DGKA: variants seen among roughly 807,000 people sequenced by gnomAD.
The protein encoded by DGKA is diacylglycerol kinase alpha, also known as 80 kDa diacylglycerol kinase.
Under a neutral mutation model 105.0 loss-of-function variants are expected in DGKA, and 35 were observed. The ratio of observed to expected loss-of-function variants is 0.33; its 90% CI spans 0.25 to 0.44. DGKA has a LOEUF of 0.44. Ranked by LOEUF, DGKA falls within the 20% of genes least tolerant of loss-of-function variation. The probability of loss-of-function intolerance (pLI) is 1.00; values close to 1 mark genes in which losing one functional copy is unlikely to be tolerated. For missense variants in DGKA, 665 were observed against 915.0 expected (o/e 0.73, Z 3.53); for synonymous variants, 296 against 332.0 (o/e 0.89, Z 1.18).
At chr12:55,942,493 A>G in intron 17 of DGKA, 1 of 491,762 alleles carries the variant, frequency 2.0e-6, no homozygotes, top group Non-Finnish European at 3.7e-6. Flanking sequence ...TCCTGTAAAT[A>G]TTTTTATGTT....
At chr12:55,945,869 A>C (rs763399583) in intron 17 of DGKA, among the ~76,000 whole-genome samples, 56 of 149,548 alleles carry the variant, frequency 3.7e-4, no homozygotes, top group Non-Finnish European at 5.6e-4. Flanking sequence ...GGCTCATTGC[A>C]ACCTCTGCCT....
chr12:55,947,672 C>T (rs1592729006), intron 17 of DGKA, among the ~76,000 whole-genome samples: 1 of 152,216 alleles, frequency 6.6e-6, no homozygotes. Flanking sequence ...TTTAATCTTA[C>T]AAACCATGGT....
intron 17 of DGKA, among the ~76,000 whole-genome samples, chr12:55,944,071 A>G (rs902792387): frequency 6.6e-6 from 1 of 152,178 alleles, no homozygotes; most frequent in Non-Finnish European, 1.5e-5. Flanking sequence ...CAAGGTCAGA[A>G]GATCGCTTTA....
At chr12:55,935,152 T>C (rs1276801147) in intron 1 of DGKA, among the ~76,000 whole-genome samples, 3 of 152,242 alleles carry the variant, frequency 2.0e-5, no homozygotes, top group Non-Finnish European at 4.4e-5. Flanking sequence ...ATTTCCTATG[T>C]CTGATGATTT....
intron 1 of DGKA, chr12:55,933,675 G>A (rs944188879): frequency 2.6e-4 from 40 of 152,078 alleles, no homozygotes; most frequent in African/African-American, 8.9e-4. Context: ...TAGCCACCTC[G>A]TCATCCTCCC....
At position 55,942,502 on chromosome 12, in the gene DGKA, T is replaced by C. The variant is rs1886224953; in HGVS notation, c.1426+239T>C. The stretch of plus-strand genomic sequence containing the variant: ...CCCCTTTCCTGTAAATATTTTTATG[T>C]TTCTCCCAACCAACTCTTATGGCTC... On this transcript the variant is annotated intron_variant, in intron 17 of 23. Coordinates refer to ENST00000331886, the MANE Select transcript of DGKA (RefSeq NM_001345.5). The C allele has an allele frequency of 8.4e-6, 4 of 473,772 alleles. No individual in the cohort carries two copies. In the South Asian group the frequency reaches 8.9e-5, roughly 10 times the overall value. 29.3% of individuals were successfully genotyped at this position (473,772 alleles called of 1,614,324 possible).
chr12:55,952,996 G>A lies in DGKA; in HGVS notation c.1943-44G>A. The A allele has an allele frequency of 1.2e-6, 2 of 1,614,120 alleles. No individual in the cohort carries two copies. The highest frequency in any genetic ancestry group is 1.7e-6 in the Non-Finnish European group (2 of 1,180,020). On this transcript the variant is annotated intron_variant, in intron 21 of 23. Coordinates refer to ENST00000331886, the MANE Select transcript of DGKA (RefSeq NM_001345.5). This position sits in a 1 kb window ranked among gnomAD's most constrained non-coding sequence, Gnocchi z 5.1. The stretch of plus-strand genomic sequence containing the variant: ...AAGGGAAAGTGTGACTCCCTATGGG[G>A]ATACCCTGTTTATGTAAAACTTTAC...
At chr12:55,943,279 T>C (rs1017859863) in intron 17 of DGKA, 2 of 144,844 alleles carry the variant, frequency 1.4e-5, no homozygotes, top group Non-Finnish European at 3.0e-5. Context: ...TTTCCCTTTC[T>C]TTTTTTTTTT....
At chr12:55,944,869 A>G (rs1886701712) in intron 17 of DGKA, among the ~76,000 whole-genome samples, 1 of 152,060 alleles carries the variant, frequency 6.6e-6, no homozygotes, top group South Asian at 2.1e-4. Flanking sequence ...GCACAATCTC[A>G]GCTCACTGCA....
In DGKA at chr12:55,940,756, G is replaced by A; in HGVS notation, c.1017+34G>A. On this transcript the variant is annotated intron_variant, in intron 12 of 23. Coordinates refer to ENST00000331886, the MANE Select transcript of DGKA (RefSeq NM_001345.5). The surrounding 1 kb of genome is among the most constrained non-coding windows in gnomAD (Gnocchi z 4.3). ...CTCGGCAGCAGCGGGGAGGGGACAG[G>A]AGTGCCTCCCCGATTTCCCACACGC... 1 of 1,606,044 alleles carries A rather than the reference G, an allele frequency of 6.2e-7. No homozygotes were observed.
chr12:55,937,672 G>T (rs1324332462), intron 4 of DGKA, 129 bp downstream of exon 4: 1 of 1,271,038 alleles, frequency 7.9e-7, no homozygotes, highest in South Asian at 1.4e-5. Context: ...GAATAGTCAG[G>T]CTGGTCTAGG....
Position 55,940,364 on chromosome 12 carries a change from C to G in DGKA, c.849C>G (p.Asp283Glu). The change falls in exon 11 of 24, where the codon GAC (aspartate) becomes GAG (glutamate). Residue 283 changes from aspartate to glutamate, a missense_variant. Around this residue, in one of 3 missense-constraint regions of DGKA, gnomAD observed 504 missense variants for 681.2 expected, o/e 0.74. Coordinates refer to ENST00000331886, the MANE Select transcript of DGKA (RefSeq NM_001345.5). The surrounding 1 kb of genome is among the most constrained non-coding windows in gnomAD (Gnocchi z 4.3). Reference protein sequence around the residue: ...VRGGCESGRCDRCQKKIRIYH... With the variant: ...VRGGCESGRCERCQKKIRIYH... Reference sequence around the variant, plus strand: ...GAGGCTGTGAGTCCGGGCGCTGCGACCGCTGTCAGAAAAAGATCCGGATCT... The same window carrying G: ...GAGGCTGTGAGTCCGGGCGCTGCGAGCGCTGTCAGAAAAAGATCCGGATCT... 6.2e-7 allele frequency: 1 copy of G among 1,614,204 alleles called. No homozygotes were observed. Among genetic ancestry groups the G allele is most frequent in the Non-Finnish European group, 8.5e-7 (1 of 1,180,028 alleles).
At chr12:55,927,583 C>A, upstream of DGKA, 1 of 1,110,642 alleles carries the variant, frequency 9.0e-7, no homozygotes, top group Non-Finnish European at 1.3e-6. Context: ...ACAAGTGTTT[C>A]TAGGGACGGT....
chr12:55,931,769 G>A (rs1310796309), intron 1 of DGKA: 3 of 152,396 alleles, frequency 2.0e-5, no homozygotes, highest in African/African-American at 7.2e-5. Flanking sequence ...GGCTGTGAGT[G>A]ATTAGAAAGA....
Position 55,951,834 on chromosome 12 carries a change from C to CAG in DGKA, c.1587+54_1587+55dup, listed in dbSNP as rs757088869. ...AGGGAGAAAGGGGGGGCCAAGCAGTCAGAGGCTGGAGGAGAGCAGAAAAGG... is the reference window on the plus strand; with the variant it reads ...AGGGAGAAAGGGGGGGCCAAGCAGTCAGAGAGGCTGGAGGAGAGCAGAAAAGG... On this transcript the variant is annotated intron_variant, in intron 18 of 23. Coordinates refer to ENST00000331886, the MANE Select transcript of DGKA (RefSeq NM_001345.5). 9.4e-6 allele frequency: 15 copies of CAG among 1,596,678 alleles called. No individual in the cohort carries two copies. The Admixed American group carries it at 2.1e-4, about 22-fold the overall frequency.
At chr12:55,941,726 C>A in intron 15 of DGKA, 142 bp downstream of exon 15, 1 of 909,310 alleles carries the variant, frequency 1.1e-6, no homozygotes. Context: ...TATTTCCTTC[C>A]CTAGGGTCAC....
At position 55,952,257 on chromosome 12, in the gene DGKA, A is replaced by T; in HGVS notation, c.1653-84A>T. The T allele has an allele frequency of 6.6e-7, 1 of 1,520,206 alleles. No individual in the cohort carries two copies. The highest frequency in any genetic ancestry group is 9.1e-7 in the Non-Finnish European group (1 of 1,095,168). 94.2% of individuals were successfully genotyped at this position (1,520,206 alleles called of 1,614,324 possible). A position where few individuals can be genotyped will look rare whatever the true frequency, so the allele number is the denominator to read the frequency against. On this transcript the variant is annotated intron_variant, in intron 19 of 23. Transcript: ENST00000331886. This position sits in a 1 kb window ranked among gnomAD's most constrained non-coding sequence, Gnocchi z 5.1. ...CCATGGGACTAAAGTTAGGAGGTTGATGCCCTTCCCTGTCACGTACCACCC... is the reference window on the plus strand; with the variant it reads ...CCATGGGACTAAAGTTAGGAGGTTGTTGCCCTTCCCTGTCACGTACCACCC...
At chr12:55,939,764 G>T in intron 9 of DGKA, 1 of 595,468 alleles carries the variant, frequency 1.7e-6, no homozygotes, top group Non-Finnish European at 3.0e-6. Flanking sequence ...GATGGTGCAT[G>T]CACATACTAT....
At chr12:55,929,932 A>G (rs562987977), upstream of DGKA, among the ~76,000 whole-genome samples, 1 of 152,378 alleles carries the variant, frequency 6.6e-6, no homozygotes, top group South Asian at 2.1e-4. Context: ...ATTTAGGGAC[A>G]TATCTAAAGA....
Sources: allele counts gnomAD v4.1 joint callset (sites outside exome capture counted in the v4.1 genomes callset), GRCh38; gene constraint gnomAD v4.1.1; regional missense constraint gnomAD v4.1.1; non-coding constraint Gnocchi (gnomAD v3.1); transcripts MANE v1.5; gene names NCBI Gene and HGNC (gene_info 2026-07-23, HGNC 2026-07-21).